PDGFC: variants seen among roughly 807,000 people sequenced by gnomAD.
PDGFC encodes the protein platelet derived growth factor C.
In PDGFC, 12 loss-of-function variants were observed where a neutral mutation model predicts 35.5. The observed-to-expected ratio is 0.34, with a 90% confidence interval of 0.22 to 0.55. The LOEUF is 0.55. Ranked by LOEUF, PDGFC falls within the 20% of genes least tolerant of loss-of-function variation. The probability of loss-of-function intolerance (pLI) is 0.91; values close to 1 mark genes in which losing one functional copy is unlikely to be tolerated. For missense variants in PDGFC, 322 were observed against 412.4 expected (o/e 0.78, Z 1.90); for synonymous variants, 159 against 148.8 (o/e 1.07, Z -0.50).
At chr4:156,967,384 C>G (rs1302874267) in intron 1 of PDGFC, 1 of 152,174 alleles carries the variant, frequency 6.6e-6, no homozygotes, top group African/African-American at 2.4e-5. Context: ...GACCAGCAGA[C>G]CAAAGTAAAT....
chr4:156,968,652 T>C (rs982518195), intron 1 of PDGFC, among the ~76,000 whole-genome samples: 3 of 152,140 alleles, frequency 2.0e-5, no homozygotes, highest in African/African-American at 4.8e-5. Flanking sequence ...AACCTGAGCA[T>C]GTGCAAGAAA....
chr4:156,950,864 T>C (rs1294274111), intron 1 of PDGFC, among the ~76,000 whole-genome samples: 2 of 151,834 alleles, frequency 1.3e-5, no homozygotes, highest in East Asian at 1.9e-4. Flanking sequence ...AAAATGACAA[T>C]TGATATAACA....
At chr4:156,781,155 G>A (rs759975174) in intron 3 of PDGFC, among the ~76,000 whole-genome samples, 2 of 152,036 alleles carry the variant, frequency 1.3e-5, no homozygotes, top group Non-Finnish European at 1.5e-5. Flanking sequence ...TGCCAATTCC[G>A]TAATTTGCAG....
chr4:156,800,600 T>C (rs1731575819), intron 3 of PDGFC, among the ~76,000 whole-genome samples: 1 of 152,218 alleles, frequency 6.6e-6, no homozygotes, highest in Non-Finnish European at 1.5e-5. Flanking sequence ...TTCTCAAATG[T>C]GTGGATCATA....
chr4:156,895,510 T>A (rs1483166232), intron 1 of PDGFC, among the ~76,000 whole-genome samples: 1 of 151,814 alleles, frequency 6.6e-6, no homozygotes, highest in Non-Finnish European at 1.5e-5. Flanking sequence ...TGGGTGCCTG[T>A]AATCCCAGCT....
At chr4:156,884,305 C>T (rs1189975155) in intron 1 of PDGFC, among the ~76,000 whole-genome samples, 1 of 152,128 alleles carries the variant, frequency 6.6e-6, no homozygotes, top group Non-Finnish European at 1.5e-5. Flanking sequence ...AGAAACAGAC[C>T]CCATATCCAG....
intron 3 of PDGFC, among the ~76,000 whole-genome samples, chr4:156,788,342 T>C (rs1250741729): frequency 6.6e-6 from 1 of 152,188 alleles, no homozygotes; most frequent in Non-Finnish European, 1.5e-5. Flanking sequence ...CAACTTTTGT[T>C]ACTAAGGCCC....
intron 2 of PDGFC, among the ~76,000 whole-genome samples, chr4:156,832,714 G>A (rs1181376723): frequency 6.6e-6 from 1 of 152,160 alleles, no homozygotes; most frequent in East Asian, 1.9e-4. Flanking sequence ...GTATTATGTG[G>A]AATTTTTTCA....
At chr4:156,929,379 A>G (rs528046653) in intron 1 of PDGFC, among the ~76,000 whole-genome samples, 60 of 152,252 alleles carry the variant, frequency 3.9e-4, no homozygotes, top group Admixed American at 2.0e-3. Flanking sequence ...AGTTGGGAAG[A>G]AAAGAGAAAG....
intron 1 of PDGFC, among the ~76,000 whole-genome samples, chr4:156,880,073 C>T (rs1025801718): frequency 2.0e-5 from 3 of 152,180 alleles, no homozygotes; most frequent in African/African-American, 7.2e-5. Flanking sequence ...GAAGCTGTGG[C>T]AAGCTATCCA....
intron 1 of PDGFC, among the ~76,000 whole-genome samples, chr4:156,938,101 A>C (rs1243551637): frequency 1.3e-5 from 2 of 152,132 alleles, no homozygotes; most frequent in African/African-American, 2.4e-5. Context: ...CGAAAGGACA[A>C]ATTTTTACAA....
At chr4:156,809,108 T>G (rs1731854255) in intron 3 of PDGFC, among the ~76,000 whole-genome samples, 2 of 152,134 alleles carry the variant, frequency 1.3e-5, no homozygotes, top group South Asian at 4.2e-4. Context: ...GTCTCCATTA[T>G]CTACAGCCCA....
At chr4:156,912,231 G>A (rs1344636049) in intron 1 of PDGFC, among the ~76,000 whole-genome samples, 1 of 152,140 alleles carries the variant, frequency 6.6e-6, no homozygotes, top group African/African-American at 2.4e-5. Flanking sequence ...TCAAAATTGA[G>A]AGCAGCTAGA....
intron 1 of PDGFC, among the ~76,000 whole-genome samples, chr4:156,884,777 T>C (rs1730334687): frequency 6.6e-6 from 1 of 152,202 alleles, no homozygotes; most frequent in South Asian, 2.1e-4. Flanking sequence ...ATACCACATA[T>C]ACATAATAGG....
chr4:156,925,577 T>C (rs983570511), intron 1 of PDGFC, among the ~76,000 whole-genome samples: 1 of 152,134 alleles, frequency 6.6e-6, no homozygotes, highest in African/African-American at 2.4e-5. Context: ...TTTGGTCATG[T>C]TGAAATTAAG....
chr4:156,912,821 C>A (rs1173175963), intron 1 of PDGFC, among the ~76,000 whole-genome samples: 1 of 151,464 alleles, frequency 6.6e-6, no homozygotes, highest in African/African-American at 2.4e-5. Flanking sequence ...TGGGATGCAA[C>A]ACAGACTACC....
chr4:156,776,430 A>G (rs543161254), intron 3 of PDGFC, among the ~76,000 whole-genome samples: 154 of 152,344 alleles, frequency 1.0e-3, no homozygotes, highest in Admixed American at 2.5e-3. Context: ...ACAAACCGGA[A>G]GCAGAGTTTC....
chr4:156,804,985 C>T lies in PDGFC; in HGVS notation c.495+5852G>A, dbSNP rs115185324. 2.9e-3 allele frequency among the ~76,000 whole-genome samples: 438 copies of T among 152,014 alleles called. 3 individuals carry two copies. Among genetic ancestry groups the T allele is most frequent in the African/African-American group, 0.01 (422 of 41,514 alleles). ...TACCATTCCTACATAGTGCTAATTG[C>T]GTTTTTCTTTCTAACTACAAATCAT... is the stretch of plus-strand genomic sequence containing the variant. On this transcript the variant is annotated intron_variant, in intron 3 of 5. Transcript: ENST00000502773.
At chr4:156,818,621 C>T (rs893928234) in intron 2 of PDGFC, among the ~76,000 whole-genome samples, 1 of 146,464 alleles carries the variant, frequency 6.8e-6, no homozygotes. Flanking sequence ...CCTGGGTTCA[C>T]GCCATTCTCC....
Sources: gnomAD v4.1 joint callset for allele counts (sites outside exome capture counted in the v4.1 genomes callset) on GRCh38, gnomAD v4.1.1 for gene constraint, MANE v1.5 for transcripts, NCBI Gene and HGNC (gene_info 2026-07-23, HGNC 2026-07-21) for gene names.